Variants in RNF6 observed in about 807,000 individuals in gnomAD.
The protein encoded by RNF6 is E3 ubiquitin-protein ligase RNF6.
Under a neutral mutation model 50.1 loss-of-function variants are expected in RNF6, and 21 were observed. The observed-to-expected ratio is 0.42, with a 90% CI of 0.30 to 0.60. RNF6 has a LOEUF of 0.60. Ranked by LOEUF, RNF6 falls within the 20% of genes least tolerant of loss-of-function variation. The pLI, the probability that RNF6 is intolerant of heterozygous loss-of-function variation, is 0.20. For missense variants in RNF6, 698 were observed against 838.2 expected (o/e 0.83, Z 2.07); for synonymous variants, 255 against 291.8 (o/e 0.87, Z 1.29).
rs1274686525 is a variant in RNF6, at chr13:26,215,203, C to T, written c.679G>A (p.Gly227Arg). The T allele has an allele frequency of 6.2e-7, 1 of 1,614,228 alleles. No individual in the cohort carries two copies. The highest frequency in any genetic ancestry group is 1.7e-5 in the Admixed American group (1 of 60,026). The change falls in exon 5 of 5, where the codon GGA (glycine) becomes AGA (arginine). Residue 227 changes from glycine (G) to arginine (R), a missense_variant. Physicochemically the swap from Gly to Arg is moderately radical, Grantham distance 125. Transcript: ENST00000381588. ...AACCTTCCCAATGTTGAGAAAGATC[C>T]TTCAGCTGGATTTTGCCCCCTTGAA... is the stretch of plus-strand genomic sequence containing the variant. The part of the protein sequence containing the change: ...LASRGQNPAE[G>R]SFSTLGRLRN...
At chr13:26,153,318 A>T (rs1289293590) in intron 5 of RNF6, among the ~76,000 whole-genome samples, 2 of 151,502 alleles carry the variant, frequency 1.3e-5, no homozygotes, top group African/African-American at 4.9e-5. Context: ...GGTTTAAGTG[A>T]TTTTCCTGCC....
chr13:26,192,363 C>T (rs1481644169), intron 5 of RNF6, among the ~76,000 whole-genome samples: 1 of 152,106 alleles, frequency 6.6e-6, no homozygotes, highest in Admixed American at 6.6e-5. Context: ...ATAGAATTTG[C>T]TCATGGATTG....
intron 5 of RNF6, among the ~76,000 whole-genome samples, chr13:26,204,505 A>G (rs1255526067): frequency 6.6e-6 from 1 of 151,506 alleles, no homozygotes; most frequent in Non-Finnish European, 1.5e-5. Context: ...TCAAAAAAAA[A>G]AAAAAAAAAA....
At chr13:26,155,685 C>T (rs1871883470) in intron 5 of RNF6, among the ~76,000 whole-genome samples, 1 of 152,176 alleles carries the variant, frequency 6.6e-6, no homozygotes, top group Non-Finnish European at 1.5e-5. Flanking sequence ...CTGTTGCTCC[C>T]ACTCTGGTAG....
intron 5 of RNF6, among the ~76,000 whole-genome samples, chr13:26,143,235 A>T (rs1403160257): frequency 2.0e-5 from 3 of 152,188 alleles, no homozygotes; most frequent in African/African-American, 7.2e-5. Flanking sequence ...ATCATATGTC[A>T]TGGTAATACT....
chr13:26,187,876 A>C (rs2137676747), intron 5 of RNF6, among the ~76,000 whole-genome samples: 1 of 152,308 alleles, frequency 6.6e-6, no homozygotes, highest in South Asian at 2.1e-4. Context: ...GGCGTGTGCC[A>C]CCACACCTGG....
intron 4 of RNF6, among the ~76,000 whole-genome samples, chr13:26,216,921 C>CTACA (rs1869939795): frequency 6.6e-6 from 1 of 152,120 alleles, no homozygotes; most frequent in African/African-American, 2.4e-5. Flanking sequence ...TGCCACTGTA[C>CTACA]TACAGCCTGG....
At chr13:26,199,618 A>C (rs1045457943) in intron 5 of RNF6, among the ~76,000 whole-genome samples, 1 of 152,186 alleles carries the variant, frequency 6.6e-6, no homozygotes, top group Non-Finnish European at 1.5e-5. Context: ...TAAAACATAT[A>C]TCTACAGACA....
At position 26,212,822 on chromosome 13, in the gene RNF6, G is replaced by T. The variant is rs1287565546; in HGVS notation, c.*1002C>A. ...GAAACAGATCTTCAATGCATACTTT[G>T]TGTTTATATAAACTCTACATTCTCT... is the stretch of plus-strand genomic sequence containing the variant. On this transcript the variant is annotated 3_prime_UTR_variant, in exon 5 of 5. Transcript: ENST00000381588. The T allele has an allele frequency of 6.6e-6, 1 of 151,974 alleles. No homozygotes were observed. Among genetic ancestry groups the T allele is most frequent in the African/African-American group, 2.4e-5 (1 of 41,202 alleles). 9.4% of individuals were successfully genotyped at this position (151,974 alleles called of 1,614,324 possible).
chr13:26,139,049 C>G (rs778787246), intron 5 of RNF6, among the ~76,000 whole-genome samples: 29 of 152,070 alleles, frequency 1.9e-4, no homozygotes, highest in African/African-American at 6.5e-4. Context: ...TTATATGTTT[C>G]GACATCTTAA....
intron 5 of RNF6, among the ~76,000 whole-genome samples, chr13:26,169,827 G>A (rs1872611496): frequency 6.6e-6 from 1 of 152,106 alleles, no homozygotes; most frequent in South Asian, 2.1e-4. Context: ...ATACAGATAG[G>A]CTACAGTCTC....
intron 5 of RNF6, among the ~76,000 whole-genome samples, chr13:26,133,738 C>T (rs1870508409): frequency 6.6e-6 from 1 of 151,846 alleles, no homozygotes; most frequent in African/African-American, 2.4e-5. Context: ...TTTATTTTTC[C>T]ATTTGTTTCA....
chr13:26,214,793 T>A lies in RNF6; in HGVS notation c.1089A>T (p.Ala363=). The A allele has an allele frequency of 6.2e-7, 1 of 1,614,212 alleles. No individual in the cohort carries two copies. The highest frequency in any genetic ancestry group is 8.5e-7 in the Non-Finnish European group (1 of 1,180,036). Residue 363 remains alanine, a synonymous_variant, in exon 5 of 5, where the codon GCA becomes GCT. Coordinates refer to ENST00000381588, the MANE Select transcript of RNF6 (RefSeq NM_005977.4). ...QDRERERRGT[A]YTPFSNSRLV... The stretch of plus-strand genomic sequence containing the variant: ...GCCTTGAATTAGAGAATGGGGTATA[T>A]GCAGTACCTCTGCGTTCTCGTTCTC...
At chr13:26,134,146 T>A (rs1370450550) in intron 5 of RNF6, among the ~76,000 whole-genome samples, 1 of 152,222 alleles carries the variant, frequency 6.6e-6, no homozygotes, top group Non-Finnish European at 1.5e-5. Flanking sequence ...CCGTAGACCT[T>A]TCCTGATACT....
At chr13:26,209,381 T>G (rs1869227131), downstream of RNF6, among the ~76,000 whole-genome samples, 1 of 152,252 alleles carries the variant, frequency 6.6e-6, no homozygotes, top group South Asian at 2.1e-4. Flanking sequence ...TTCATCCTGC[T>G]AAGCTTGCTC....
chr13:26,178,471 C>G (rs1200986874), intron 5 of RNF6, among the ~76,000 whole-genome samples: 1 of 148,054 alleles, frequency 6.8e-6, no homozygotes, highest in Non-Finnish European at 1.5e-5. Context: ...GTCCTAATAC[C>G]ATCATCTGGG....
intron 5 of RNF6, among the ~76,000 whole-genome samples, chr13:26,160,699 C>CA (rs927163830): frequency 2.0e-4 from 31 of 152,152 alleles, no homozygotes; most frequent in African/African-American, 7.5e-4. Context: ...CAAAATACTA[C>CA]AGACTGGGTG....
At position 26,214,590 on chromosome 13, in the gene RNF6, G is replaced by A. The variant is rs923223588; in HGVS notation, c.1292C>T (p.Thr431Ile). The change falls in exon 5 of 5, where the codon ACA becomes ATA. Residue 431 changes from threonine (T) to isoleucine (I), a missense_variant. Thr to Ile is a moderately conservative substitution (Grantham distance 89). Coordinates refer to ENST00000381588, the MANE Select transcript of RNF6 (RefSeq NM_005977.4). ...CCCACTATTGCTTTCAATAGTGACT[G>A]TATTTTCTGCTAGCCCTACTCTGGA... Reference protein sequence around the residue: ...TRSRVGLAENTVTIESNSGGF... With the variant: ...TRSRVGLAENIVTIESNSGGF... The A allele has an allele frequency of 2.5e-6, 4 of 1,614,056 alleles. No homozygotes were observed. The East Asian group carries it at 6.7e-5, about 27-fold the overall frequency.
At chr13:26,168,694 G>C (rs1324911477) in intron 5 of RNF6, among the ~76,000 whole-genome samples, 1 of 152,216 alleles carries the variant, frequency 6.6e-6, no homozygotes, top group Non-Finnish European at 1.5e-5. Flanking sequence ...AGAAGGCACA[G>C]AGCATTACAC....
Sources: gnomAD v4.1 joint callset for allele counts (sites outside exome capture counted in the v4.1 genomes callset) on GRCh38, gnomAD v4.1.1 for gene constraint, MANE v1.5 for transcripts, NCBI Gene and HGNC (gene_info 2026-07-23, HGNC 2026-07-21) for gene names.